KIF26B: variants seen among roughly 807,000 people sequenced by gnomAD.
KIF26B encodes the protein kinesin family member 26B.
A neutral mutation model predicts 151.2 loss-of-function variants in KIF26B; 63 were observed. That is an observed-to-expected ratio of 0.42 (90% CI 0.34 to 0.51). KIF26B has a LOEUF of 0.51. Ranked by LOEUF, KIF26B falls within the 20% of genes least tolerant of loss-of-function variation. The pLI is 0.07. For missense variants in KIF26B, 2,813 were observed against 2,913.6 expected (o/e 0.97, Z 0.79); for synonymous variants, 1,357 against 1,262.1 (o/e 1.08, Z -1.59).
intron 3 of KIF26B, among the ~76,000 whole-genome samples, chr1:245,372,193 T>G (rs767892702): frequency 3.3e-5 from 5 of 152,102 alleles, no homozygotes; most frequent in Non-Finnish European, 7.4e-5. Context: ...GAAACCCTAC[T>G]GTGAACTGTG....
chr1:245,510,300 C>T (rs1023434232), intron 4 of KIF26B, among the ~76,000 whole-genome samples: 1 of 152,126 alleles, frequency 6.6e-6, no homozygotes, highest in African/African-American at 2.4e-5. Flanking sequence ...GAAAATGAAA[C>T]GTGCATGCAG....
intron 5 of KIF26B, among the ~76,000 whole-genome samples, chr1:245,553,031 C>A (rs185066612): frequency 6.6e-6 from 1 of 152,184 alleles, no homozygotes; most frequent in Non-Finnish European, 1.5e-5. Flanking sequence ...AGAGGTGACA[C>A]CGCTTTTCAG....
At chr1:245,175,700 C>G (rs1668790884) in intron 2 of KIF26B, among the ~76,000 whole-genome samples, 1 of 151,976 alleles carries the variant, frequency 6.6e-6, no homozygotes, top group East Asian at 1.9e-4. Flanking sequence ...GTGAAGAGAC[C>G]ATAATTCAAG....
rs1437177876 is a variant in KIF26B at position 245,687,484 on chromosome 1, C to T, written c.4501C>T (p.Pro1501Ser). ...CAGCAGCGGAGAGGTGTCGGCCTCC[C>T]CGGTCACTGACAACTTCAGGAGGGT... ...SSSSGEVSAS[P>S]VTDNFRRVVD... The change falls in exon 12 of 15, where the codon CCG becomes TCG. Residue 1501 changes from proline (P) to serine (S), a missense_variant. By Grantham distance (74) the Pro-to-Ser change is moderately conservative. This residue lies in a region of KIF26B where 2,060 missense variants were observed against 2,088.6 expected (regional missense o/e 0.99). Coordinates refer to ENST00000407071, the MANE Select transcript of KIF26B (RefSeq NM_018012.4). The surrounding 1 kb of genome is among the most constrained non-coding windows in gnomAD (Gnocchi z 4.9). 2.5e-6 allele frequency: 4 copies of T among 1,583,066 alleles called. No individual in the cohort carries two copies. In the African/African-American group the frequency reaches 4.0e-5, roughly 16 times the overall value.
At chr1:245,421,358 T>C (rs1658483293) in intron 4 of KIF26B, among the ~76,000 whole-genome samples, 1 of 152,140 alleles carries the variant, frequency 6.6e-6, no homozygotes, top group Non-Finnish European at 1.5e-5. Flanking sequence ...CAGGCTATTG[T>C]ATAAATGGAG....
intron 2 of KIF26B, among the ~76,000 whole-genome samples, chr1:245,242,862 G>C (rs777222591): frequency 3.3e-5 from 5 of 152,134 alleles, no homozygotes; most frequent in Non-Finnish European, 7.3e-5. Context: ...ATGTTGCTCA[G>C]GCTGGTCTCG....
At chr1:245,385,154 G>A (rs377028392) in intron 3 of KIF26B, among the ~76,000 whole-genome samples, 37 of 152,256 alleles carry the variant, frequency 2.4e-4, no homozygotes, top group Admixed American at 7.8e-4. Context: ...TCATTTATTA[G>A]CAACTTACAC....
chr1:245,172,137 TTCGTGTG>T (rs1316890907), intron 2 of KIF26B, among the ~76,000 whole-genome samples: 2 of 152,188 alleles, frequency 1.3e-5, no homozygotes, highest in East Asian at 1.9e-4. Context: ...TCACCGTACA[TTCGTGTG>T]TCTAGACTTG....
Position 245,686,185 on chromosome 1 carries a change from C to G in KIF26B, c.3202C>G (p.Leu1068Val), listed in dbSNP as rs759326272. Residue 1068 changes from leucine to valine, a missense_variant, in exon 12 of 15, where the codon CTG (leucine) becomes GTG (valine). This residue lies in a region of KIF26B where 2,060 missense variants were observed against 2,088.6 expected (regional missense o/e 0.99). Transcript: ENST00000407071. This position sits in a 1 kb window ranked among gnomAD's most constrained non-coding sequence, Gnocchi z 5.6. Reference protein sequence around the residue: ...GKPRPMGSPRLGIASLSKTSE... With the variant: ...GKPRPMGSPRVGIASLSKTSE... ...GCCCAGGCCCATGGGCTCCCCCCGG[C>G]TGGGCATCGCCAGCCTGTCCAAGAC... The G allele has an allele frequency of 6.2e-7, 1 of 1,612,542 alleles. No individual in the cohort carries two copies. The highest frequency in any genetic ancestry group is 8.5e-7 in the Non-Finnish European group (1 of 1,179,874).
At chr1:245,392,253 T>C (rs1051459923) in intron 3 of KIF26B, among the ~76,000 whole-genome samples, 1 of 152,186 alleles carries the variant, frequency 6.6e-6, no homozygotes, top group Admixed American at 6.5e-5. Context: ...CACAGAAATA[T>C]TCACTTCTTG....
At chr1:245,163,248 T>C (rs1668561822) in intron 2 of KIF26B, among the ~76,000 whole-genome samples, 1 of 152,110 alleles carries the variant, frequency 6.6e-6, no homozygotes, top group East Asian at 1.9e-4. Flanking sequence ...TTCAAGCAGT[T>C]CTCCCGCCTC....
chr1:245,531,411 G>A (rs1436061145), intron 4 of KIF26B, among the ~76,000 whole-genome samples: 2 of 152,154 alleles, frequency 1.3e-5, no homozygotes, highest in African/African-American at 4.8e-5. Context: ...AACTTGCCAG[G>A]CCTCGTTCTT....
chr1:245,301,183 C>T (rs1284205069), intron 2 of KIF26B, among the ~76,000 whole-genome samples: 1 of 152,192 alleles, frequency 6.6e-6, no homozygotes, highest in African/African-American at 2.4e-5. Context: ...GGCCATGGCT[C>T]TACTGTGGTT....
intron 2 of KIF26B, among the ~76,000 whole-genome samples, chr1:245,173,625 C>T (rs544520488): frequency 6.6e-4 from 100 of 152,288 alleles, no homozygotes; most frequent in African/African-American, 2.3e-3. Context: ...GGCTGTGGTC[C>T]TGCACTCACT....
chr1:245,681,598 T>C (rs1033061567), intron 10 of KIF26B, among the ~76,000 whole-genome samples: 4 of 152,132 alleles, frequency 2.6e-5, no homozygotes, highest in Admixed American at 6.6e-5. Context: ...GTGGGGCCAC[T>C]CTGGAAAGTG....
intron 4 of KIF26B, among the ~76,000 whole-genome samples, chr1:245,533,516 G>A (rs1391874974): frequency 6.6e-6 from 1 of 152,154 alleles, no homozygotes; most frequent in African/African-American, 2.4e-5. Context: ...GGAACACACA[G>A]TATTCCTGAA....
At chr1:245,285,584 C>T (rs7528364) in intron 2 of KIF26B, among the ~76,000 whole-genome samples, 89,182 of 149,950 alleles carry the variant, frequency 0.59, 26,872 homozygotes, top group East Asian at 0.7. Context: ...GTATGTTCAT[C>T]TCTACTCCTG....
intron 3 of KIF26B, among the ~76,000 whole-genome samples, chr1:245,381,395 G>A (rs950341582): frequency 2.6e-5 from 4 of 152,138 alleles, no homozygotes; most frequent in Non-Finnish European, 2.9e-5. Context: ...TGTCCAACCC[G>A]CAGCCTGCAG....
At position 245,176,458 on chromosome 1, in the gene KIF26B, AT is replaced by A. The variant is rs369007965; in HGVS notation, c.465+19778del. Among the ~76,000 whole-genome samples, 19 of 152,218 alleles carry A rather than the reference AT, an allele frequency of 1.2e-4. No homozygotes were observed. The East Asian group carries it at 3.5e-3, about 28-fold the overall frequency. On this transcript the variant is annotated intron_variant, in intron 2 of 14. Coordinates refer to ENST00000407071, the MANE Select transcript of KIF26B (RefSeq NM_018012.4). ...TCCTTCCCACAGGGTCTATCATGGGATTTAGTTCCTTCTTTTTCTGCATCCC... is the reference window on the plus strand; with the variant it reads ...TCCTTCCCACAGGGTCTATCATGGGATTAGTTCCTTCTTTTTCTGCATCCC...
Sources: gnomAD v4.1 joint callset for allele counts (sites outside exome capture counted in the v4.1 genomes callset) on GRCh38, gnomAD v4.1.1 for gene constraint, gnomAD v4.1.1 regional missense constraint, Gnocchi (gnomAD v3.1) non-coding constraint, MANE v1.5 for transcripts, NCBI Gene and HGNC (gene_info 2026-07-23, HGNC 2026-07-21) for gene names.